Variants in CNIH3 observed in about 807,000 individuals in gnomAD.
The protein encoded by CNIH3 is cornichon family AMPA receptor auxiliary protein 3, also known as protein cornichon homolog 3.
CNIH3 carries 14 observed loss-of-function variants against 24.1 expected under a neutral mutation model. The ratio of observed to expected loss-of-function variants is 0.58; its 90% CI spans 0.38 to 0.91. CNIH3 has a LOEUF of 0.91. Among genes scored for constraint, CNIH3 ranks in the 40% least tolerant of loss-of-function variants. The pLI, the probability that CNIH3 is intolerant of heterozygous loss-of-function variation, is 0.00. For synonymous variants in CNIH3, 68 were observed against 73.8 expected (o/e 0.92, Z 0.40); for missense variants, 178 against 196.8 (o/e 0.90, Z 0.57).
At chr1:224,574,914 A>G in intron 4 of CNIH3, 3 of 1,004,356 alleles carry the variant, frequency 3.0e-6, no homozygotes, top group South Asian at 1.3e-5. Context: ...AGCTATTGGC[A>G]TCTCCAACTT....
chr1:224,609,220 A>G (rs1255236586), intron 3 of CNIH3, among the ~76,000 whole-genome samples: 1 of 152,232 alleles, frequency 6.6e-6, no homozygotes, highest in Non-Finnish European at 1.5e-5. Context: ...GCTGTAAAAC[A>G]CAATTTTGAA....
intron 4 of CNIH3, among the ~76,000 whole-genome samples, chr1:224,567,777 T>G (rs992786879): frequency 3.3e-5 from 5 of 151,992 alleles, no homozygotes; most frequent in African/African-American, 1.2e-4. Flanking sequence ...GAAATCAAGG[T>G]GAGGGGAAAG....
chr1:224,562,642 T>C (rs1317241247), intron 3 of CNIH3, among the ~76,000 whole-genome samples: 3 of 152,166 alleles, frequency 2.0e-5, no homozygotes, highest in Admixed American at 1.3e-4. Context: ...CCCTCATGAA[T>C]GGCTTGGTGC....
chr1:224,464,680 A>G (rs530187306), intron 1 of CNIH3, among the ~76,000 whole-genome samples: 9 of 152,058 alleles, frequency 5.9e-5, no homozygotes, highest in East Asian at 1.9e-4. Context: ...CCATTTATCT[A>G]TTTTCCTTAT....
chr1:224,470,840 T>C (rs1676340675), intron 1 of CNIH3, among the ~76,000 whole-genome samples: 1 of 152,170 alleles, frequency 6.6e-6, no homozygotes, highest in Non-Finnish European at 1.5e-5. Flanking sequence ...AGTAGGTATG[T>C]ATATTTATGG....
chr1:224,646,131 C>T (rs1024981895), intron 1 of CNIH3, among the ~76,000 whole-genome samples: 40 of 110,088 alleles, frequency 3.6e-4, no homozygotes, highest in African/African-American at 1.6e-3. Context: ...GTAACTCTAA[C>T]GTAAGACAGC....
At chr1:224,733,303 C>T (rs1447394232) in intron 4 of CNIH3, among the ~76,000 whole-genome samples, 1 of 152,206 alleles carries the variant, frequency 6.6e-6, no homozygotes, top group Non-Finnish European at 1.5e-5. Context: ...ACTGGCAGGG[C>T]CTTTGCTGTT....
At chr1:224,437,999 G>A (rs1674739440) in intron 1 of CNIH3, among the ~76,000 whole-genome samples, 3 of 150,748 alleles carry the variant, frequency 2.0e-5, no homozygotes, top group Non-Finnish European at 2.9e-5. Context: ...TGCAAGCTCC[G>A]CCTCCTGGGT....
intron 3 of CNIH3, among the ~76,000 whole-genome samples, chr1:224,720,320 C>T (rs563268460): frequency 7.3e-5 from 11 of 149,804 alleles, no homozygotes; most frequent in African/African-American, 2.7e-4. Flanking sequence ...CTCAGGCTTA[C>T]ACCAGGTTCA....
rs1339480137 is a variant in CNIH3, at chr1:224,616,678, C to G, written c.-497C>G. 1 of 988,758 alleles carries G rather than the reference C, an allele frequency of 1.0e-6. No homozygotes were observed. Among genetic ancestry groups the G allele is most frequent in the Non-Finnish European group, 1.2e-6 (1 of 832,446 alleles). The allele number at this position is 988,758 out of a possible 1,614,324, so 61.2% of individuals were successfully genotyped here. A position where few individuals can be genotyped will look rare whatever the true frequency, so the allele number is the denominator to read the frequency against. On this transcript the variant is annotated 5_prime_UTR_variant, in exon 1 of 6. Transcript: ENST00000272133. ...AGGAGCTCGGAGGCCGCTCGGGCAC[C>G]TCGCTGGACACTATCCGTTTGCGCC... is the stretch of plus-strand genomic sequence containing the variant.
intron 1 of CNIH3, among the ~76,000 whole-genome samples, chr1:224,517,242 G>A (rs924975609): frequency 2.6e-5 from 4 of 152,122 alleles, no homozygotes; most frequent in African/African-American, 9.7e-5. Flanking sequence ...CTTGGAGCAG[G>A]AGCCTGTTCT....
chr1:224,683,195 A>G (rs989502059), intron 2 of CNIH3, among the ~76,000 whole-genome samples: 4 of 152,204 alleles, frequency 2.6e-5, no homozygotes, highest in African/African-American at 7.2e-5. Flanking sequence ...AACTCCTGTT[A>G]TTAAAGGCAT....
chr1:224,454,101 G>C (rs1675543591), intron 1 of CNIH3, among the ~76,000 whole-genome samples: 1 of 152,158 alleles, frequency 6.6e-6, no homozygotes, highest in African/African-American at 2.4e-5. Flanking sequence ...CAGCAAAACT[G>C]CTTGAAGAAA....
chr1:224,693,271 C>T (rs903446956), intron 3 of CNIH3, among the ~76,000 whole-genome samples: 14 of 151,114 alleles, frequency 9.3e-5, no homozygotes, highest in South Asian at 4.2e-4. Context: ...CCGCAGCAGG[C>T]GAACTGAAGA....
intron 3 of CNIH3, among the ~76,000 whole-genome samples, chr1:224,702,088 T>C (rs1478808508): frequency 1.7e-5 from 1 of 58,198 alleles, no homozygotes; most frequent in African/African-American, 4.1e-5. Flanking sequence ...ACACTCCAGC[T>C]CAGTTTTTTT....
In CNIH3 at chr1:224,579,056, G is replaced by GT. The variant is rs1277298589; in HGVS notation, n.517-4105dup. Among the ~76,000 whole-genome samples the GT allele has an allele frequency of 7.6e-4, 106 of 138,768 alleles. 1 individual carries two copies. The highest frequency in any genetic ancestry group is 2.0e-3 in the African/African-American group (73 of 36,792). The allele number at this position is 138,768 out of a possible 152,430, so 91.0% of individuals were successfully genotyped here. A position where few individuals can be genotyped will look rare whatever the true frequency, so the allele number is the denominator to read the frequency against. ...ATGTTGGACCTCCTGAACTGATCAT[G>GT]TTTCTTTTTTCTTTTTTTTTTTTTC... On this transcript the variant is annotated intron_variant and non_coding_transcript_variant, in intron 4 of 5. Coordinates refer to the CNIH3 transcript ENST00000471578.
At chr1:224,513,075 ATC>A (rs1003946840), upstream of CNIH3, among the ~76,000 whole-genome samples, 3 of 152,054 alleles carry the variant, frequency 2.0e-5, no homozygotes, top group African/African-American at 7.3e-5. Flanking sequence ...TTCTGTTTTT[ATC>A]TCTTTTTCTA....
At chr1:224,709,903 A>C (rs1688042703) in intron 3 of CNIH3, among the ~76,000 whole-genome samples, 1 of 152,176 alleles carries the variant, frequency 6.6e-6, no homozygotes, top group Non-Finnish European at 1.5e-5. Flanking sequence ...AAGCTGCGGT[A>C]TATCCTATGT....
chr1:224,590,520 C>T (rs1681706611), downstream of CNIH3, among the ~76,000 whole-genome samples: 1 of 152,132 alleles, frequency 6.6e-6, no homozygotes, highest in Non-Finnish European at 1.5e-5. Context: ...TGGGAAGTCC[C>T]AGAGCATAGC....
Sources: allele counts gnomAD v4.1 joint callset (sites outside exome capture counted in the v4.1 genomes callset), GRCh38; gene constraint gnomAD v4.1.1; transcripts MANE v1.5; gene names NCBI Gene and HGNC (gene_info 2026-07-23, HGNC 2026-07-21).